The following LMO2 variants were observed in gnomAD, a reference collection of about 807,000 sequenced individuals.
LMO2 encodes the protein rhombotin-2.
In LMO2, 20 loss-of-function variants were observed where a neutral mutation model predicts 23.2. The ratio of observed to expected loss-of-function variants is 0.86; its 90% CI spans 0.61 to 1.25. The LOEUF is 1.25. Ranked by LOEUF, LMO2 falls within the 50% of genes most tolerant of loss-of-function variation. The pLI, the probability that LMO2 is intolerant of heterozygous loss-of-function variation, is 0.00. For synonymous variants in LMO2, 123 were observed against 130.2 expected, an observed-to-expected ratio of 0.94 and a Z score of 0.38; for missense variants, 270 against 315.3, an observed-to-expected ratio of 0.86 and a Z score of 1.09.
intron 4 of LMO2, among the ~76,000 whole-genome samples, chr11:33,865,931 C>T (rs1234497965): frequency 6.6e-6 from 1 of 152,218 alleles, no homozygotes; most frequent in Non-Finnish European, 1.5e-5. Flanking sequence ...TTCTCTGGAA[C>T]CTTACTTAAA....
intron 2 of LMO2, among the ~76,000 whole-genome samples, chr11:33,879,510 C>T (rs1050129993): frequency 1.3e-5 from 2 of 150,844 alleles, no homozygotes; most frequent in Non-Finnish European, 1.5e-5. Context: ...TGCCTGTAAT[C>T]GCAGTTACTC....
chr11:33,870,172 G>T, intron 2 of LMO2, 185 bp from the exon 3 acceptor site: 1 of 294,098 alleles, frequency 3.4e-6, no homozygotes, highest in Non-Finnish European at 5.1e-6. Context: ...GTCGGGGACG[G>T]GGAGAGCCGC....
At chr11:33,871,773 T>C (rs1565030469) in intron 2 of LMO2, among the ~76,000 whole-genome samples, 2 of 152,262 alleles carry the variant, frequency 1.3e-5, no homozygotes, top group South Asian at 2.1e-4. Context: ...CCAGTCAATG[T>C]GGTGGTTAAA....
intron 5 of LMO2, among the ~76,000 whole-genome samples, chr11:33,859,839 G>T (rs958432228): frequency 6.6e-6 from 1 of 152,090 alleles, no homozygotes; most frequent in Non-Finnish European, 1.5e-5. Context: ...CATTCCCCTA[G>T]GCTGCCCCCT....
At chr11:33,860,489 C>A (rs375226727) in intron 5 of LMO2, among the ~76,000 whole-genome samples, 2 of 152,092 alleles carry the variant, frequency 1.3e-5, no homozygotes, top group Non-Finnish European at 2.9e-5. Flanking sequence ...TCAGGCTGGG[C>A]GCAGTGGCTC....
At chr11:33,866,649 T>G (rs1026693060) in intron 4 of LMO2, among the ~76,000 whole-genome samples, 1 of 139,364 alleles carries the variant, frequency 7.2e-6, no homozygotes, top group Non-Finnish European at 1.6e-5. Flanking sequence ...TATAGTTTTT[T>G]GTTTGTTTGT....
rs1001631781 is a variant in LMO2, at chr11:33,869,583, C to G, written c.11G>C (p.Ser4Thr). The change falls in exon 4 of 6, where the codon AGC becomes ACC. Residue 4 changes from serine (S) to threonine (T), a missense_variant. By Grantham distance (58) the Ser-to-Thr change is moderately conservative. Transcript: ENST00000257818. MEG[S>T]AVTVLERGGA... ...TCCGCGCTCAAGGACAGTCACCGCG[C>G]TCCCTTCAAACGCCAAAGAGAGAGA... 2.3e-6 allele frequency: 3 copies of G among 1,301,538 alleles called. No homozygotes were observed. In the East Asian group the frequency reaches 1.1e-4, roughly 46 times the overall value. 80.6% of individuals were successfully genotyped at this position (1,301,538 alleles called of 1,614,324 possible).
At position 33,858,769 on chromosome 11, in the gene LMO2, A is replaced by C. The variant is rs1856453910; in HGVS notation, c.*587T>G. ...ACAGTGATTCATCAGCATTGCTTTA[A>C]ATAATTGTTTGGTTAAAAGTTGTGG... On this transcript the variant is annotated 3_prime_UTR_variant, in exon 6 of 6. Coordinates refer to ENST00000257818, the MANE Select transcript of LMO2 (RefSeq NM_005574.4). 1 of 218,510 alleles carries C rather than the reference A, an allele frequency of 4.6e-6. No homozygotes were observed. The highest frequency in any genetic ancestry group is 2.2e-5 in the African/African-American group (1 of 44,496). The allele number at this position is 218,510 out of a possible 1,614,324, so 13.5% of individuals were successfully genotyped here. A position where few individuals can be genotyped will look rare whatever the true frequency, so the allele number is the denominator to read the frequency against.
At chr11:33,888,310 GCCA>G (rs1857462708) in intron 1 of LMO2, among the ~76,000 whole-genome samples, 36 of 152,278 alleles carry the variant, frequency 2.4e-4, no homozygotes, top group Admixed American at 2.2e-3. Flanking sequence ...CTGTGCCACT[GCCA>G]GGGGGATCCT....
intron 1 of LMO2, among the ~76,000 whole-genome samples, chr11:33,888,052 C>T (rs2133719654): frequency 6.6e-6 from 1 of 152,292 alleles, no homozygotes; most frequent in Middle Eastern, 3.4e-3. Context: ...GGGGGAATGA[C>T]TGAGTGGGCA....
In LMO2 at chr11:33,869,650, G is replaced by A. The variant is rs1184493371; in HGVS notation, c.7+60C>T. ...CGGGCGCGCCGCGGCCGAGGCGGGG[G>A]CCGGGGCGCGCAGCCTGGCTCCAGG... is the stretch of plus-strand genomic sequence containing the variant. On this transcript the variant is annotated intron_variant, in intron 3 of 5. Coordinates refer to ENST00000257818, the MANE Select transcript of LMO2 (RefSeq NM_005574.4). 246 of 1,258,300 alleles carry A rather than the reference G, an allele frequency of 2.0e-4. 1 individual carries two copies. In the East Asian group the frequency reaches 8.3e-3, roughly 42 times the overall value. The allele number at this position is 1,258,300 out of a possible 1,614,324, so 77.9% of individuals were successfully genotyped here. A position where few individuals can be genotyped will look rare whatever the true frequency, so the allele number is the denominator to read the frequency against.
At position 33,859,376 on chromosome 11, in the gene LMO2, T is replaced by C. The variant is rs764416979; in HGVS notation, c.664A>G (p.Lys222Glu). 1.2e-6 allele frequency: 2 copies of C among 1,613,972 alleles called. No homozygotes were observed. Among genetic ancestry groups the C allele is most frequent in the South Asian group, 1.1e-5 (1 of 91,072 alleles). ...VCEQDIYEWT[K>E]INGMI The stretch of plus-strand genomic sequence containing the variant: ...CGGGCCTATATCATCCCATTGATCT[T>C]AGTCCACTCGTAGATGTCCTGTTCG... Residue 222 changes from lysine (K) to glutamate (E), a missense_variant, in exon 6 of 6, where the codon AAG becomes GAG. Lys to Glu is a moderately conservative substitution (Grantham distance 56). Around this residue, in one of 2 missense-constraint regions of LMO2, gnomAD observed 100 missense variants for 153.3 expected, o/e 0.65. Transcript: ENST00000257818.
chr11:33,867,581 T>C (rs1317052325), intron 4 of LMO2, among the ~76,000 whole-genome samples: 1 of 152,224 alleles, frequency 6.6e-6, no homozygotes, highest in African/African-American at 2.4e-5. Flanking sequence ...GGGACAATCA[T>C]AACAATTTCT....
Position 33,871,151 on chromosome 11 carries a change from T to G in LMO2, c.-271-1164A>C. On this transcript the variant is annotated intron_variant, in intron 2 of 5. Transcript: ENST00000257818. ...TACTGCCTGCATGCTCTTGTCATTT[T>G]CTGGTCCCTGTGTCCCAAGGCTTGG... 5.3e-6 allele frequency: 4 copies of G among 754,006 alleles called. No individual in the cohort carries two copies. In the South Asian group the frequency reaches 1.8e-4, roughly 34 times the overall value. The allele number at this position is 754,006 out of a possible 1,614,324, so 46.7% of individuals were successfully genotyped here.
intron 2 of LMO2, chr11:33,881,058 G>A (rs1011628753): frequency 7.7e-6 from 3 of 389,466 alleles, no homozygotes; most frequent in African/African-American, 6.3e-5. Context: ...CCTCCTGTCT[G>A]AGAATCCCAT....
chr11:33,883,070 A>G (rs368475098), intron 1 of LMO2, among the ~76,000 whole-genome samples: 5 of 152,100 alleles, frequency 3.3e-5, no homozygotes, highest in African/African-American at 1.2e-4. Context: ...TCATCATTAT[A>G]TTTGTCACTA....
chr11:33,873,052 C>T (rs886236696), intron 2 of LMO2, among the ~76,000 whole-genome samples: 3 of 152,106 alleles, frequency 2.0e-5, no homozygotes, highest in African/African-American at 2.4e-5. Flanking sequence ...CATGAGCCAC[C>T]GCGCCTGGCC....
rs1856698322 is a variant in LMO2, at chr11:33,864,490, T to C, written c.464+112A>G. The C allele has an allele frequency of 5.1e-6, 4 of 790,194 alleles. No homozygotes were observed. The highest frequency in any genetic ancestry group is 2.7e-5 in the East Asian group (1 of 37,224). The allele number at this position is 790,194 out of a possible 1,614,324, so 48.9% of individuals were successfully genotyped here. The stretch of plus-strand genomic sequence containing the variant: ...GCCTCTGCAGTCTGACCTCTTTCTA[T>C]AGGTGGTGTCCGAGCCTGGAGCAGG... On this transcript the variant is annotated intron_variant, in intron 5 of 5. Transcript: ENST00000257818. The surrounding 1 kb of genome is among the most constrained non-coding windows in gnomAD (Gnocchi z 4.8).
chr11:33,863,032 C>T lies in LMO2; in HGVS notation c.464+1570G>A, dbSNP rs557582599. 6.6e-5 allele frequency among the ~76,000 whole-genome samples: 10 copies of T among 151,738 alleles called. No individual in the cohort carries two copies. The South Asian group carries it at 1.5e-3, about 22-fold the overall frequency. Reference sequence around the variant, plus strand: ...TTTTATTCCTGAATGTTATATAAAACGGTAGAGATAGGGAGAAGCTGGGGC... The same window carrying T: ...TTTTATTCCTGAATGTTATATAAAATGGTAGAGATAGGGAGAAGCTGGGGC... On this transcript the variant is annotated intron_variant, in intron 5 of 5. Transcript: ENST00000257818.
Sources: gnomAD v4.1 joint callset for allele counts (sites outside exome capture counted in the v4.1 genomes callset) on GRCh38, gnomAD v4.1.1 for gene constraint, gnomAD v4.1.1 regional missense constraint, Gnocchi (gnomAD v3.1) non-coding constraint, MANE v1.5 for transcripts, NCBI Gene and HGNC (gene_info 2026-07-23, HGNC 2026-07-21) for gene names.